DCC: variants seen among roughly 807,000 people sequenced by gnomAD.
The protein encoded by DCC is netrin receptor DCC.
In DCC, 58 loss-of-function variants were observed where a neutral mutation model predicts 172.5. The ratio of observed to expected loss-of-function variants is 0.34; its 90% CI spans 0.27 to 0.42. The LOEUF (loss-of-function observed/expected upper bound fraction) is 0.42. Among genes scored for constraint, DCC ranks in the 10% least tolerant of loss-of-function variants. DCC has a pLI of 1.00. For missense variants in DCC, 1,740 were observed against 1,791.0 expected, an observed-to-expected ratio of 0.97 and a Z score of 0.51; for synonymous variants, 709 against 644.5, an observed-to-expected ratio of 1.10 and a Z score of -1.52.
chr18:52,735,348 C>T lies in DCC; in HGVS notation c.92-16706C>T, dbSNP rs1444304365. On this transcript the variant is annotated intron_variant, in intron 1 of 28. Transcript: ENST00000442544. ...ATTTGGGATATCATAGAATCACTTA[C>T]TTTGTCCCTCTTCCCAGATTATATA... is the stretch of plus-strand genomic sequence containing the variant. 3.3e-5 allele frequency among the ~76,000 whole-genome samples: 5 copies of T among 152,270 alleles called. 1 individual carries two copies. Among genetic ancestry groups the T allele is most frequent in the African/African-American group, 4.8e-5 (2 of 41,578 alleles).
chr18:52,820,332 G>A (rs1248587528), intron 2 of DCC, among the ~76,000 whole-genome samples: 1 of 152,150 alleles, frequency 6.6e-6, no homozygotes, highest in Non-Finnish European at 1.5e-5. Flanking sequence ...TTTGCCTAAT[G>A]TGTATGTACA....
At chr18:52,410,156 AC>A (rs1159702684) in intron 1 of DCC, among the ~76,000 whole-genome samples, 1 of 152,030 alleles carries the variant, frequency 6.6e-6, no homozygotes, top group African/African-American at 2.4e-5. Context: ...GGATGCTGTG[AC>A]TCATGCCTGT....
chr18:52,736,219 T>C (rs1486245188), intron 1 of DCC, among the ~76,000 whole-genome samples: 1 of 151,810 alleles, frequency 6.6e-6, no homozygotes, highest in Non-Finnish European at 1.5e-5. Context: ...GTTAACAACC[T>C]TTCCCTGACC....
chr18:52,495,768 A>ATT (rs199884010), intron 1 of DCC, among the ~76,000 whole-genome samples: 2,992 of 144,880 alleles, frequency 0.021, 89 homozygotes, highest in African/African-American at 0.069. Context: ...TTATTTATGT[A>ATT]TTTTTTTTTT....
intron 1 of DCC, among the ~76,000 whole-genome samples, chr18:52,556,405 T>C (rs879240109): frequency 3.9e-5 from 6 of 152,054 alleles, no homozygotes; most frequent in Non-Finnish European, 7.4e-5. Context: ...CTCTGGATAA[T>C]GGTAGGTAGG....
rs1406802119 is a variant in DCC at position 53,534,043 on chromosome 18, A to G, written c.*3390A>G. 6.6e-6 allele frequency: 1 copy of G among 152,202 alleles called. No homozygotes were observed. Among genetic ancestry groups the G allele is most frequent in the Non-Finnish European group, 1.5e-5 (1 of 68,032 alleles). The allele number at this position is 152,202 out of a possible 1,614,324, so 9.4% of individuals were successfully genotyped here. A position where few individuals can be genotyped will look rare whatever the true frequency, so the allele number is the denominator to read the frequency against. ...AAGCTGTTGGTGTCTGTGCTTGAAGATGATTGCTGATACTTATCCACCCTT... is the reference window on the plus strand; with the variant it reads ...AAGCTGTTGGTGTCTGTGCTTGAAGGTGATTGCTGATACTTATCCACCCTT... On this transcript the variant is annotated 3_prime_UTR_variant, in exon 29 of 29. Coordinates refer to ENST00000442544, the MANE Select transcript of DCC (RefSeq NM_005215.4).
Position 53,426,289 on chromosome 18 carries a change from T to C in DCC, c.3164-8855T>C, listed in dbSNP as rs1056086002. Among the ~76,000 whole-genome samples the C allele has an allele frequency of 9.8e-5, 12 of 122,130 alleles. No homozygotes were observed. The South Asian group carries it at 2.6e-3, about 27-fold the overall frequency. 80.1% of individuals were successfully genotyped at this position (122,130 alleles called of 152,430 possible). A position where few individuals can be genotyped will look rare whatever the true frequency, so the allele number is the denominator to read the frequency against. On this transcript the variant is annotated intron_variant, in intron 21 of 28. Transcript: ENST00000442544. ...CATATATATTTATATATTACATATTTATAATATATATTTATAATATATATT... is the reference window on the plus strand; with the variant it reads ...CATATATATTTATATATTACATATTCATAATATATATTTATAATATATATT...
chr18:52,942,750 T>C (rs1423389171), intron 5 of DCC, among the ~76,000 whole-genome samples: 1 of 152,186 alleles, frequency 6.6e-6, no homozygotes, highest in Non-Finnish European at 1.5e-5. Flanking sequence ...CATGTAGGAA[T>C]TATGGAAGTA....
At chr18:53,164,398 G>A (rs1042669511) in intron 8 of DCC, among the ~76,000 whole-genome samples, 3 of 152,012 alleles carry the variant, frequency 2.0e-5, no homozygotes, top group African/African-American at 4.8e-5. Context: ...GGTGCATGCC[G>A]CCATGCCTGG....
intron 12 of DCC, among the ~76,000 whole-genome samples, chr18:53,268,588 C>G (rs572579342): frequency 6.6e-6 from 1 of 151,928 alleles, no homozygotes; most frequent in Non-Finnish European, 1.5e-5. Flanking sequence ...ATTCTCATTC[C>G]CCTTTATTCC....
intron 1 of DCC, among the ~76,000 whole-genome samples, chr18:52,555,935 A>C (rs1166626000): frequency 6.6e-6 from 1 of 152,110 alleles, no homozygotes; most frequent in African/African-American, 2.4e-5. Context: ...CCCATTACCC[A>C]CAGTCATTAT....
intron 1 of DCC, among the ~76,000 whole-genome samples, chr18:52,460,659 G>T (rs926040200): frequency 6.6e-6 from 1 of 152,192 alleles, no homozygotes; most frequent in East Asian, 1.9e-4. Context: ...GTAGCCTATT[G>T]CTCCTAGGCT....
intron 2 of DCC, among the ~76,000 whole-genome samples, chr18:52,753,236 C>T (rs1006499408): frequency 3.9e-5 from 6 of 152,092 alleles, no homozygotes; most frequent in African/African-American, 1.4e-4. Context: ...TTTACATTTT[C>T]ACCAACAACG....
chr18:52,736,185 C>G (rs576615117), intron 1 of DCC, among the ~76,000 whole-genome samples: 1 of 151,744 alleles, frequency 6.6e-6, no homozygotes, highest in African/African-American at 2.4e-5. Context: ...CTCTCTGGGT[C>G]TTTGTCCCTA....
At chr18:53,434,188 G>A (rs972343268) in intron 21 of DCC, among the ~76,000 whole-genome samples, 3 of 152,080 alleles carry the variant, frequency 2.0e-5, no homozygotes, top group African/African-American at 7.2e-5. Flanking sequence ...TGAGTGTCCT[G>A]GTTGGCTTTC....
intron 2 of DCC, among the ~76,000 whole-genome samples, chr18:52,828,469 G>A (rs1033222182): frequency 1.3e-5 from 2 of 151,800 alleles, no homozygotes; most frequent in African/African-American, 2.4e-5. Context: ...AGGAATAATG[G>A]TTTTGATCAT....
At chr18:53,248,537 G>C (rs2056392075) in intron 12 of DCC, among the ~76,000 whole-genome samples, 6 of 151,986 alleles carry the variant, frequency 3.9e-5, no homozygotes, top group Non-Finnish European at 8.8e-5. Context: ...CCAGATTGAG[G>C]ACAATCCTTC....
At chr18:52,412,489 T>C (rs1271879548) in intron 1 of DCC, among the ~76,000 whole-genome samples, 1 of 152,188 alleles carries the variant, frequency 6.6e-6, no homozygotes, top group African/African-American at 2.4e-5. Flanking sequence ...TATACATATT[T>C]ATATAGGCAT....
At chr18:53,393,501 A>G (rs1296814726) in intron 17 of DCC, among the ~76,000 whole-genome samples, 1 of 152,212 alleles carries the variant, frequency 6.6e-6, no homozygotes, top group African/African-American at 2.4e-5. Flanking sequence ...ATCAGAAAAG[A>G]CAACCAATGA....
Sources: gnomAD v4.1 joint callset for allele counts (sites outside exome capture counted in the v4.1 genomes callset) on GRCh38, gnomAD v4.1.1 for gene constraint, MANE v1.5 for transcripts, NCBI Gene and HGNC (gene_info 2026-07-23, HGNC 2026-07-21) for gene names.